TLE4: variants seen among roughly 807,000 people sequenced by gnomAD.
The protein encoded by TLE4 is TLE family member 4, transcriptional corepressor, also known as transducin-like enhancer protein 4.
A neutral mutation model predicts 92.8 loss-of-function variants in TLE4; 8 were observed. That is an observed-to-expected ratio of 0.09 (90% confidence interval 0.05 to 0.16). The LOEUF is 0.16. Ranked by LOEUF, TLE4 falls within the 10% of genes least tolerant of loss-of-function variation. The pLI, the probability that TLE4 is intolerant of heterozygous loss-of-function variation, is 1.00. For missense variants in TLE4, 675 were observed against 997.6 expected, an observed-to-expected ratio of 0.68 and a Z score of 4.36; for synonymous variants, 371 against 374.1, an observed-to-expected ratio of 0.99 and a Z score of 0.10.
chr9:79,620,834 C>G (rs1189756157), intron 5 of TLE4, among the ~76,000 whole-genome samples: 5 of 152,082 alleles, frequency 3.3e-5, no homozygotes, highest in African/African-American at 7.2e-5. Context: ...GGGGAGGACT[C>G]AGGGAGCTTT....
chr9:79,685,245 G>A lies in TLE4; in HGVS notation c.610-19538G>A, dbSNP rs1357923712. Among the ~76,000 whole-genome samples the A allele has an allele frequency of 2.0e-5, 3 of 152,056 alleles. No individual in the cohort carries two copies. The East Asian group carries it at 5.8e-4, about 29-fold the overall frequency. ...GCATTGTTACCCTCATTCCTGCTGG[G>A]TAATTTGTATACTGCAATAGTTTGT... On this transcript the variant is annotated intron_variant, in intron 8 of 19. Transcript: ENST00000376552.
chr9:79,641,564 GTC>G (rs1189142937), intron 6 of TLE4, among the ~76,000 whole-genome samples: 2 of 152,134 alleles, frequency 1.3e-5, no homozygotes, highest in Non-Finnish European at 2.9e-5. Context: ...CACAGCAAGC[GTC>G]TCTCTTGTTC....
At chr9:79,612,872 T>TA (rs1329158270) in intron 5 of TLE4, among the ~76,000 whole-genome samples, 154 bp downstream of exon 5, 1 of 152,208 alleles carries the variant, frequency 6.6e-6, no homozygotes, top group Non-Finnish European at 1.5e-5. Flanking sequence ...CTCCAACTTG[T>TA]ATACCTTAGT....
At chr9:79,707,574 C>G (rs1344878464) in intron 11 of TLE4, among the ~76,000 whole-genome samples, 1 of 152,212 alleles carries the variant, frequency 6.6e-6, no homozygotes, top group African/African-American at 2.4e-5. Flanking sequence ...GGAAATTCCT[C>G]ACTTGGTCTG....
chr9:79,610,407 A>G (rs2048096929), intron 4 of TLE4, among the ~76,000 whole-genome samples: 2 of 152,066 alleles, frequency 1.3e-5, no homozygotes, highest in East Asian at 3.9e-4. Context: ...TAAATAAATG[A>G]TGCCTCCCTA....
chr9:79,653,743 T>A (rs2059364220), intron 7 of TLE4, among the ~76,000 whole-genome samples: 1 of 152,232 alleles, frequency 6.6e-6, no homozygotes, highest in African/African-American at 2.4e-5. Context: ...TAATTTGTCA[T>A]CCAGTTATCT....
Position 79,726,596 on chromosome 9 carries a change from G to A in TLE4, c.*1452G>A, listed in dbSNP as rs899691811. ...AGTGTTTGATGTCATTAACAGTTTC[G>A]TAAAACTCTACAGTGTAGAAAGATT... is the stretch of plus-strand genomic sequence containing the variant. On this transcript the variant is annotated 3_prime_UTR_variant, in exon 20 of 20. Transcript: ENST00000376552. 3.3e-5 allele frequency: 5 copies of A among 152,516 alleles called. No individual in the cohort carries two copies. The highest frequency in any genetic ancestry group is 6.6e-5 in the Admixed American group (1 of 15,262). The allele number at this position is 152,516 out of a possible 1,614,324, so 9.4% of individuals were successfully genotyped here.
chr9:79,691,060 A>G (rs1056178477), intron 8 of TLE4, among the ~76,000 whole-genome samples: 3 of 152,112 alleles, frequency 2.0e-5, no homozygotes, highest in African/African-American at 7.2e-5. Context: ...ATTTGTGTGA[A>G]GTGAGTCACT....
chr9:79,662,682 C>T (rs1363810472), intron 8 of TLE4, among the ~76,000 whole-genome samples: 4 of 152,110 alleles, frequency 2.6e-5, no homozygotes, highest in African/African-American at 9.7e-5. Flanking sequence ...CAAATAACTT[C>T]TGGGCAGGTG....
At chr9:79,621,447 A>G (rs570977225) in intron 5 of TLE4, among the ~76,000 whole-genome samples, 50 of 152,322 alleles carry the variant, frequency 3.3e-4, no homozygotes, top group Non-Finnish European at 6.0e-4. Context: ...AGGAGAATTT[A>G]AAGACAAAAC....
At chr9:79,653,145 G>C (rs988442823) in intron 7 of TLE4, among the ~76,000 whole-genome samples, 1 of 152,194 alleles carries the variant, frequency 6.6e-6, no homozygotes, top group African/African-American at 2.4e-5. Flanking sequence ...TTTATTTTGG[G>C]GAATGTCTTG....
At chr9:79,697,574 A>T (rs1258619936) in intron 8 of TLE4, among the ~76,000 whole-genome samples, 1 of 152,176 alleles carries the variant, frequency 6.6e-6, no homozygotes, top group Non-Finnish European at 1.5e-5. Flanking sequence ...TCAGTTTGTC[A>T]GCTAAAGTAA....
intron 5 of TLE4, among the ~76,000 whole-genome samples, chr9:79,614,870 T>C (rs2049145994): frequency 6.6e-6 from 1 of 152,170 alleles, no homozygotes; most frequent in South Asian, 2.1e-4. Flanking sequence ...GGGATGTGTG[T>C]GTGATTTCTT....
chr9:79,679,257 A>G (rs1297151683), intron 8 of TLE4, among the ~76,000 whole-genome samples: 2 of 151,962 alleles, frequency 1.3e-5, no homozygotes, highest in African/African-American at 4.8e-5. Flanking sequence ...AAGTGTTCCT[A>G]TTTCTCCACC....
chr9:79,632,187 T>C (rs1283749948), intron 6 of TLE4, among the ~76,000 whole-genome samples: 1 of 152,118 alleles, frequency 6.6e-6, no homozygotes, highest in East Asian at 1.9e-4. Flanking sequence ...GCCTGGAAAG[T>C]GCAGGAATTA....
intron 6 of TLE4, among the ~76,000 whole-genome samples, chr9:79,628,812 C>T (rs965667034): frequency 9.9e-5 from 15 of 151,798 alleles, no homozygotes; most frequent in Admixed American, 9.9e-4. Context: ...TTTCCAAAAA[C>T]TCCAGGAAAC....
intron 8 of TLE4, among the ~76,000 whole-genome samples, chr9:79,700,124 T>C (rs1298110501): frequency 2.6e-5 from 4 of 152,210 alleles, no homozygotes; most frequent in Non-Finnish European, 5.9e-5. Flanking sequence ...TTGTACTTTA[T>C]GTGGATTATT....
chr9:79,682,370 T>C (rs2064901982), intron 8 of TLE4, among the ~76,000 whole-genome samples: 1 of 152,170 alleles, frequency 6.6e-6, no homozygotes, highest in Admixed American at 6.6e-5. Context: ...ATTCCCCAGA[T>C]ACTGAATTCT....
intron 4 of TLE4, among the ~76,000 whole-genome samples, chr9:79,596,097 TG>T (rs1587859174): frequency 1.3e-5 from 2 of 152,066 alleles, no homozygotes; most frequent in East Asian, 3.9e-4. Flanking sequence ...CCGCCCGCCC[TG>T]GCCTCCCAAA....
Sources: allele counts gnomAD v4.1 joint callset (sites outside exome capture counted in the v4.1 genomes callset), GRCh38; gene constraint gnomAD v4.1.1; transcripts MANE v1.5; gene names NCBI Gene and HGNC (gene_info 2026-07-23, HGNC 2026-07-21).